DMD: variants seen among roughly 807,000 people sequenced by gnomAD.
DMD encodes the protein dystrophin.
A neutral mutation model predicts 330.1 loss-of-function variants in DMD; 63 were observed. The ratio of observed to expected loss-of-function variants is 0.19; its 90% CI spans 0.16 to 0.24. DMD has a LOEUF of 0.24. DMD is among the 10% of genes least tolerant of loss of function. DMD has a pLI of 1.00. For synonymous variants in DMD, 1,223 were observed against 959.8 expected (o/e 1.27, Z -5.07); for missense variants, 3,344 against 2,684.1 (o/e 1.25, Z -5.43).
chrX:33,009,344 A>G lies in DMD; in HGVS notation c.93+10795T>C, dbSNP rs867559282. ...TGTGTATATGTGTATATACACGTGT[A>G]TATACACATGTGTGTATATGTGTAT... On this transcript the variant is annotated intron_variant, in intron 2 of 78. Coordinates refer to ENST00000357033, the MANE Select transcript of DMD (RefSeq NM_004006.3). Among the ~76,000 whole-genome samples, 6 of 50,036 alleles carry G rather than the reference A, an allele frequency of 1.2e-4. 2 individuals are homozygous for G. Among genetic ancestry groups the G allele is most frequent in the African/African-American group, 4.5e-4 (5 of 11,198 alleles). 43.5% of individuals were successfully genotyped at this position (50,036 alleles called of 115,157 possible). A position where few individuals can be genotyped will look rare whatever the true frequency, so the allele number is the denominator to read the frequency against.
chrX:32,098,015 A>T (rs1332229600), intron 44 of DMD, among the ~76,000 whole-genome samples: 2 of 111,662 alleles, frequency 1.8e-5, no homozygotes, highest in South Asian at 3.7e-4. Flanking sequence ...CACTCAAAGA[A>T]CATGACCATA....
chrX:32,244,169 T>C (rs771610698), intron 43 of DMD, among the ~76,000 whole-genome samples: 4 of 95,084 alleles, frequency 4.2e-5, no homozygotes, highest in Admixed American at 1.2e-4. Flanking sequence ...TGTGATCTCA[T>C]TGTTCAATTC....
chrX:31,146,909 G>GA (rs1374415474), intron 75 of DMD, among the ~76,000 whole-genome samples: 2 of 110,410 alleles, frequency 1.8e-5, no homozygotes, highest in East Asian at 2.8e-4. Flanking sequence ...GGGATTAGGA[G>GA]AAAAAAAACA....
chrX:31,228,001 G>C (rs774201960), intron 63 of DMD, among the ~76,000 whole-genome samples: 1 of 104,491 alleles, frequency 9.6e-6, no homozygotes, highest in African/African-American at 3.5e-5. Context: ...GTAAACTATC[G>C]CAAGAACAAA....
chrX:32,089,397 T>C (rs1364192967), intron 44 of DMD, among the ~76,000 whole-genome samples: 1 of 111,638 alleles, frequency 9.0e-6, no homozygotes, highest in African/African-American at 3.3e-5. Flanking sequence ...GTACTAAACA[T>C]AGTACCCAAT....
chrX:32,874,035 CA>C (rs2149160663), intron 2 of DMD, among the ~76,000 whole-genome samples: 1 of 111,988 alleles, frequency 8.9e-6, no homozygotes, highest in Admixed American at 9.4e-5. Context: ...ACATTTCTAA[CA>C]AAACCTCAAC....
upstream of DMD, among the ~76,000 whole-genome samples, chrX:33,215,204 C>T (rs911483388): frequency 2.8e-5 from 3 of 108,517 alleles, no homozygotes; most frequent in Admixed American, 1.0e-4. Context: ...AGGCGCCTGT[C>T]ATCACAGCCA....
chrX:31,615,818 T>C (rs754732817), intron 55 of DMD, among the ~76,000 whole-genome samples: 7 of 112,212 alleles, frequency 6.2e-5, no homozygotes, highest in Admixed American at 1.9e-4. Context: ...CTCAAGGTGA[T>C]AGTGAAATAA....
chrX:32,656,188 C>G (rs2060557703), intron 9 of DMD, among the ~76,000 whole-genome samples: 1 of 111,954 alleles, frequency 8.9e-6, no homozygotes, highest in Non-Finnish European at 1.9e-5. Context: ...ACGCATCCAA[C>G]TTCGTCATTA....
At chrX:32,743,628 G>A (rs961547504) in intron 7 of DMD, among the ~76,000 whole-genome samples, 4 of 110,783 alleles carry the variant, frequency 3.6e-5, no homozygotes, top group African/African-American at 6.6e-5. Flanking sequence ...AAAAGTGACC[G>A]TGGAAGGAAA....
At chrX:31,724,745 C>T (rs951319241) in intron 52 of DMD, among the ~76,000 whole-genome samples, 2 of 111,838 alleles carry the variant, frequency 1.8e-5, no homozygotes, top group Non-Finnish European at 3.8e-5. Context: ...CTAATATGTG[C>T]CACATATTTA....
At chrX:32,230,931 T>C (rs139169317) in intron 43 of DMD, among the ~76,000 whole-genome samples, 4,137 of 112,093 alleles carry the variant, frequency 0.037, 121 homozygotes, top group African/African-American at 0.1. Context: ...ATCAAATACA[T>C]GTACACATAT....
At position 31,503,297 on chromosome X, in the gene DMD, T is replaced by C. The variant is rs147367843; in HGVS notation, c.8390+3984A>G. ...GAACTAAAAGAATAAAATTGTACGA[T>C]TGCAAGAGAACTGGAAGAGACTGTC... On this transcript the variant is annotated intron_variant, in intron 56 of 78. Coordinates refer to ENST00000357033, the MANE Select transcript of DMD (RefSeq NM_004006.3). Among the ~76,000 whole-genome samples the C allele has an allele frequency of 5.9e-3, 658 of 112,277 alleles. 4 individuals are homozygous for C. The highest frequency in any genetic ancestry group is 0.02 in the African/African-American group (617 of 31,048).
At chrX:31,966,204 T>C (rs1234442785) in intron 45 of DMD, among the ~76,000 whole-genome samples, 2 of 108,980 alleles carry the variant, frequency 1.8e-5, no homozygotes, top group Non-Finnish European at 3.8e-5. Flanking sequence ...GAGAGTACAC[T>C]ATTGATTAGC....
chrX:32,874,611 T>A (rs1040148475), intron 2 of DMD, among the ~76,000 whole-genome samples: 1 of 111,689 alleles, frequency 9.0e-6, no homozygotes, highest in African/African-American at 3.3e-5. Flanking sequence ...ATTTGACACT[T>A]CTTTCATCAA....
intron 1 of DMD, among the ~76,000 whole-genome samples, chrX:33,323,564 A>G (rs1225069448): frequency 1.8e-5 from 2 of 111,506 alleles, no homozygotes; most frequent in Non-Finnish European, 3.8e-5. Context: ...CTACACCTTC[A>G]ATTCTTCTTT....
intron 9 of DMD, among the ~76,000 whole-genome samples, chrX:32,689,249 T>C (rs935989758): frequency 2.7e-5 from 3 of 110,401 alleles, no homozygotes; most frequent in African/African-American, 6.6e-5. Flanking sequence ...TATAACACAA[T>C]AACGCTCCTT....
intron 55 of DMD, among the ~76,000 whole-genome samples, chrX:31,566,539 C>A (rs2075473988): frequency 8.9e-6 from 1 of 111,759 alleles, no homozygotes; most frequent in Non-Finnish European, 1.9e-5. Flanking sequence ...AGGTTACTCC[C>A]ACTTTATTTA....
intron 7 of DMD, among the ~76,000 whole-genome samples, chrX:32,764,431 T>C (rs1218042633): frequency 9.0e-6 from 1 of 111,229 alleles, no homozygotes; most frequent in Non-Finnish European, 1.9e-5. Context: ...CCCAAAAAAC[T>C]TCATATCCAT....
Sources: allele counts gnomAD v4.1 joint callset (sites outside exome capture counted in the v4.1 genomes callset), GRCh38; gene constraint gnomAD v4.1.1; transcripts MANE v1.5; gene names NCBI Gene and HGNC (gene_info 2026-07-23, HGNC 2026-07-21).